MMP17: variants seen among roughly 807,000 people sequenced by gnomAD.
MMP17 encodes the protein matrix metalloproteinase-17.
Under a neutral mutation model 49.1 loss-of-function variants are expected in MMP17, and 54 were observed. The ratio of observed to expected loss-of-function variants is 1.10; its 90% CI spans 0.88 to 1.38. MMP17 has a LOEUF of 1.38. MMP17 is among the 40% of genes most tolerant of loss of function. The pLI is 0.00. For missense variants in MMP17, 837 were observed against 853.7 expected, an observed-to-expected ratio of 0.98 and a Z score of 0.24; for synonymous variants, 397 against 383.1, an observed-to-expected ratio of 1.04 and a Z score of -0.42.
chr12:131,837,917 A>G, intron 1 of MMP17: 2 of 280,122 alleles, frequency 7.1e-6, no homozygotes, highest in South Asian at 2.4e-4. Context: ...TCACCATATT[A>G]GCTAGGATGG....
intron 5 of MMP17, among the ~76,000 whole-genome samples, chr12:131,843,387 A>C (rs1887524371): frequency 6.7e-6 from 1 of 150,280 alleles, no homozygotes; most frequent in South Asian, 2.1e-4. Context: ...CTGGGACTAC[A>C]GGCATGCACT....
Position 131,849,848 on chromosome 12 carries a change from C to G in MMP17, c.1251C>G (p.Tyr417Ter). The G allele has an allele frequency of 6.2e-7, 1 of 1,613,974 alleles. No homozygotes were observed. Among genetic ancestry groups the G allele is most frequent in the Non-Finnish European group, 8.5e-7 (1 of 1,180,006 alleles). ...AGGACAATAACGTAGAGGAAGGATACCCGCGCCCCGTCTCCGACTTCAGCC... is the reference window on the plus strand; with the variant it reads ...AGGACAATAACGTAGAGGAAGGATAGCCGCGCCCCGTCTCCGACTTCAGCC... The part of the protein sequence containing the change: ...VFKDNNVEEG[Y>*]PRPVSDFSLP... Residue 417 changes from tyrosine to a stop codon, truncating the protein, a stop_gained, in exon 9 of 10, where the codon TAC (tyrosine) becomes TAG (stop). Coordinates refer to ENST00000360564, the MANE Select transcript of MMP17 (RefSeq NM_016155.7). LOFTEE classifies it high-confidence loss of function.
chr12:131,832,657 G>T (rs927343087), intron 1 of MMP17, among the ~76,000 whole-genome samples: 1 of 152,050 alleles, frequency 6.6e-6, no homozygotes, highest in African/African-American at 2.4e-5. Context: ...CTGGGATTCG[G>T]GCCCTCCTGG....
In MMP17 at chr12:131,851,077, G is replaced by A. The variant is rs766909689; in HGVS notation, c.1615G>A (p.Ala539Thr). 13 of 1,605,474 alleles carry A rather than the reference G, an allele frequency of 8.1e-6. No homozygotes were observed. The highest frequency in any genetic ancestry group is 1.1e-5 in the South Asian group (1 of 89,940). The change falls in exon 10 of 10, where the codon GCA becomes ACA. Residue 539 changes from alanine (A) to threonine (T), a missense_variant. Coordinates refer to ENST00000360564, the MANE Select transcript of MMP17 (RefSeq NM_016155.7). ...ATCTGTGGCTGCGGGCGTGGACGCG[G>A]CAGAGGGGCCCCGCGCCCCTCCAGG... ...DGSVAAGVDA[A>T]EGPRAPPGQH... is the part of the protein sequence containing the mutation.
intron 6 of MMP17, chr12:131,844,718 G>T (rs1365911129): frequency 3.9e-6 from 1 of 257,838 alleles, no homozygotes; most frequent in South Asian, 5.4e-5. Context: ...CCTTGTCCCT[G>T]ACCTTCTGTC....
intron 4 of MMP17, 109 bp downstream of exon 4, chr12:131,840,965 G>A (rs535656295): frequency 2.9e-5 from 38 of 1,302,156 alleles, no homozygotes; most frequent in South Asian, 2.1e-4. Flanking sequence ...AAACACACGC[G>A]GCTGCTCCTG....
In MMP17 at chr12:131,841,807, G is replaced by C. The variant is rs1202188776; in HGVS notation, c.883+7G>C. The C allele has an allele frequency of 6.4e-7, 1 of 1,572,816 alleles. No homozygotes were observed. The highest frequency in any genetic ancestry group is 1.1e-5 in the South Asian group (1 of 87,844). On this transcript the variant is annotated splice_region_variant and intron_variant, in intron 5 of 9. Transcript: ENST00000360564. ...CGCGTCTGGCAGCTGTACGGTGAGT[G>C]TCTCCCCGAAGCCAGACACAGGGCC...
Position 131,849,892 on chromosome 12 carries a change from A to G in MMP17, c.1295A>G (p.Asp432Gly). ...SDFSLPPGGIDAAFSWAHNDR... is the reference protein window; with the variant it reads ...SDFSLPPGGIGAAFSWAHNDR... ...TTCAGCCTCCCGCCTGGCGGCATCG[A>G]CGCTGCCTTCTCCTGGGCCCACAAT... The change falls in exon 9 of 10, where the codon GAC becomes GGC. Residue 432 changes from aspartate to glycine, a missense_variant. Coordinates refer to ENST00000360564, the MANE Select transcript of MMP17 (RefSeq NM_016155.7). 2 of 1,614,040 alleles carry G rather than the reference A, an allele frequency of 1.2e-6. No individual in the cohort carries two copies. The highest frequency in any genetic ancestry group is 1.7e-6 in the Non-Finnish European group (2 of 1,180,018).
intron 1 of MMP17, among the ~76,000 whole-genome samples, chr12:131,835,994 G>A (rs1482029771): frequency 6.6e-6 from 1 of 152,162 alleles, no homozygotes; most frequent in African/African-American, 2.4e-5. Flanking sequence ...GGGCGGAAGT[G>A]GGAGGCCAGC....
intron 9 of MMP17, 27 bp from the exon 10 acceptor site, chr12:131,850,898 G>A: frequency 6.9e-7 from 1 of 1,443,924 alleles, no homozygotes; most frequent in Non-Finnish European, 9.1e-7. Context: ...GCCCTCCCCT[G>A]AGCTCAGCTC....
rs778678410 is a variant in MMP17, at chr12:131,845,321, G to A, written c.1076G>A (p.Arg359Gln). The A allele has an allele frequency of 1.9e-5, 31 of 1,606,258 alleles. No homozygotes were observed. The highest frequency in any genetic ancestry group is 1.1e-4 in the East Asian group (5 of 44,710). ...FKGKYFWRLT[R>Q]DRHLVSLQPA... ...GGCAAGTACTTCTGGCGGCTGACGC[G>A]GGACCGGCACCTGGTGTCCCTGCAG... The change falls in exon 8 of 10, where the codon CGG becomes CAG. Residue 359 changes from arginine (R) to glutamine (Q), a missense_variant. Physicochemically the swap from Arg to Gln is conservative, Grantham distance 43 (BLOSUM62 1). Coordinates refer to ENST00000360564, the MANE Select transcript of MMP17 (RefSeq NM_016155.7).
rs1162018420 is a variant in MMP17, at chr12:131,840,555, G to T, written c.423-18G>T. 3 of 1,562,220 alleles carry T rather than the reference G, an allele frequency of 1.9e-6. No individual in the cohort carries two copies. Among genetic ancestry groups the T allele is most frequent in the African/African-American group, 1.3e-5 (1 of 74,428 alleles). The stretch of plus-strand genomic sequence containing the variant: ...GCCTGTTCTCCGTGACTCACTCTGG[G>T]CTGACCCCTGCCTGCAGGGTCCGGA... On this transcript the variant is annotated intron_variant, in intron 3 of 9. Coordinates refer to ENST00000360564, the MANE Select transcript of MMP17 (RefSeq NM_016155.7).
intron 1 of MMP17, among the ~76,000 whole-genome samples, chr12:131,829,472 G>T (rs762630996): frequency 6.6e-6 from 1 of 151,966 alleles, no homozygotes; most frequent in Non-Finnish European, 1.5e-5. Flanking sequence ...CCGCTGGGGC[G>T]GCCGGGTGAA....
At chr12:131,848,723 G>C (rs965094431) in intron 8 of MMP17, among the ~76,000 whole-genome samples, 2 of 152,146 alleles carry the variant, frequency 1.3e-5, no homozygotes, top group African/African-American at 4.8e-5. Flanking sequence ...AAGGTCCTCG[G>C]GGCTCATACA....
intron 8 of MMP17, among the ~76,000 whole-genome samples, chr12:131,847,181 G>A (rs183661475): frequency 4.3e-4 from 65 of 151,712 alleles, no homozygotes; most frequent in Non-Finnish European, 6.0e-4. Context: ...GGGAGGCCGA[G>A]GCGGGCAGAT....
intron 9 of MMP17, 59 bp downstream of exon 9, chr12:131,850,118 C>A: frequency 6.5e-7 from 1 of 1,528,402 alleles, no homozygotes; most frequent in South Asian, 1.2e-5. Context: ...AGGAGAGGGG[C>A]ATCACTACAG....
At position 131,838,663 on chromosome 12, in the gene MMP17, T is replaced by C; in HGVS notation, c.344T>C (p.Leu115Pro). 1 of 1,611,032 alleles carries C rather than the reference T, an allele frequency of 6.2e-7. No homozygotes were observed. Among genetic ancestry groups the C allele is most frequent in the South Asian group, 1.1e-5 (1 of 90,710 alleles). The change falls in exon 3 of 10, where the codon CTC (leucine) becomes CCC (proline). Residue 115 changes from leucine to proline, a missense_variant. Physicochemically the swap from Leu to Pro is moderately conservative, Grantham distance 98. Coordinates refer to ENST00000360564, the MANE Select transcript of MMP17 (RefSeq NM_016155.7). ...ACCCCACGCTGCTCCCTGCCAGACC[T>C]CCCTGTCCTGACCCAGGCTCGCAGG... ...MKTPRCSLPDLPVLTQARRRR... is the reference protein window; with the variant it reads ...MKTPRCSLPDPPVLTQARRRR...
intron 9 of MMP17, among the ~76,000 whole-genome samples, chr12:131,850,517 G>A (rs1210190879): frequency 6.6e-6 from 1 of 152,174 alleles, no homozygotes; most frequent in Non-Finnish European, 1.5e-5. Context: ...TGTTTTCAAC[G>A]CTGCATCCTT....
chr12:131,838,004 CCGGCCAGG>C (rs1312447385), intron 1 of MMP17, 183 bp from the exon 2 acceptor site: 1 of 632,412 alleles, frequency 1.6e-6, no homozygotes, highest in Non-Finnish European at 2.5e-6. Flanking sequence ...GCCACAGCAC[CCGGCCAGG>C]GACATCAGGT....
Sources: gnomAD v4.1 joint callset for allele counts (sites outside exome capture counted in the v4.1 genomes callset) on GRCh38, gnomAD v4.1.1 for gene constraint, MANE v1.5 for transcripts, NCBI Gene and HGNC (gene_info 2026-07-23, HGNC 2026-07-21) for gene names.